Variants in CAMK1D observed in about 807,000 individuals in gnomAD.
The protein encoded by CAMK1D is calcium/calmodulin dependent protein kinase ID.
Under a neutral mutation model 47.7 loss-of-function variants are expected in CAMK1D, and 9 were observed. The observed-to-expected ratio is 0.19, with a 90% CI of 0.11 to 0.33. The LOEUF (loss-of-function observed/expected upper bound fraction) is 0.33. CAMK1D is among the 10% of genes least tolerant of loss of function. CAMK1D has a pLI of 1.00. For missense variants in CAMK1D, 291 were observed against 488.7 expected, an observed-to-expected ratio of 0.60 and a Z score of 3.81; for synonymous variants, 184 against 184.9, an observed-to-expected ratio of 0.99 and a Z score of 0.04.
intron 1 of CAMK1D, among the ~76,000 whole-genome samples, chr10:12,477,371 T>C (rs1192912670): frequency 6.6e-6 from 1 of 152,114 alleles, no homozygotes; most frequent in Non-Finnish European, 1.5e-5. Flanking sequence ...GCCAAGATCA[T>C]GCCATTGCAC....
intron 1 of CAMK1D, among the ~76,000 whole-genome samples, chr10:12,463,735 C>T (rs1156412585): frequency 1.3e-5 from 2 of 152,006 alleles, no homozygotes; most frequent in African/African-American, 4.8e-5. Flanking sequence ...TATTTCCCCA[C>T]CAGGTCTCAT....
rs1833100686 is a variant in CAMK1D, at chr10:12,694,154, TATATATTATGCATA to T, written c.299+27351_299+27364del. ...ATATTATATATAATATAATATATAATATATATTATGCATAATATATATTATATATAATATAATAT... is the reference window on the plus strand; with the variant it reads ...ATATTATATATAATATAATATATAATATATATATTATATATAATATAATAT... On this transcript the variant is annotated intron_variant, in intron 3 of 10. Coordinates refer to ENST00000619168, the MANE Select transcript of CAMK1D (RefSeq NM_153498.4). Among the ~76,000 whole-genome samples the T allele has an allele frequency of 3.5e-5, 2 of 57,098 alleles. 1 individual carries two copies. The highest frequency in any genetic ancestry group is 5.5e-5 in the Non-Finnish European group (2 of 36,050). The allele number at this position is 57,098 out of a possible 152,430, so 37.5% of individuals were successfully genotyped here.
chr10:12,720,461 A>T (rs1269338297), intron 3 of CAMK1D, among the ~76,000 whole-genome samples: 1 of 152,196 alleles, frequency 6.6e-6, no homozygotes, highest in Non-Finnish European at 1.5e-5. Flanking sequence ...CAGGTCTGTG[A>T]CCAGTTTCTT....
intron 1 of CAMK1D, among the ~76,000 whole-genome samples, chr10:12,523,500 C>T (rs1392373404): frequency 3.9e-5 from 6 of 152,046 alleles, no homozygotes; most frequent in South Asian, 2.1e-4. Context: ...CCCGGCACCT[C>T]GGGAGGCCGA....
rs1554796845 is a variant in CAMK1D, at chr10:12,611,609, T to TTTTTTTTTTTTG, written c.225-55127_225-55126insTTTTTTTTTTTG. On this transcript the variant is annotated intron_variant, in intron 2 of 10. Transcript: ENST00000619168. ...ATGCCTTTTTTTTTTTTTTTTTTTT[T>TTTTTTTTTTTTG]GAGACAGAGTCTTACTCTGTCTCCC... 2.6e-4 allele frequency among the ~76,000 whole-genome samples: 32 copies of TTTTTTTTTTTTG among 124,766 alleles called. 1 individual carries two copies. The highest frequency in any genetic ancestry group is 4.9e-4 in the East Asian group (2 of 4,092). The allele number at this position is 124,766 out of a possible 152,430, so 81.9% of individuals were successfully genotyped here. A position where few individuals can be genotyped will look rare whatever the true frequency, so the allele number is the denominator to read the frequency against.
At chr10:12,702,341 TA>T (rs1329914335) in intron 3 of CAMK1D, among the ~76,000 whole-genome samples, 1 of 152,160 alleles carries the variant, frequency 6.6e-6, no homozygotes, top group Non-Finnish European at 1.5e-5. Flanking sequence ...AAGCCCCTGT[TA>T]AATATGCCAC....
intron 3 of CAMK1D, among the ~76,000 whole-genome samples, chr10:12,750,057 A>G (rs145287894): frequency 0.011 from 1,628 of 152,336 alleles, 20 homozygotes; most frequent in African/African-American, 0.036. Context: ...ATTCTAAAAG[A>G]GCACATCAAT....
At chr10:12,478,102 T>C (rs1298587935) in intron 1 of CAMK1D, among the ~76,000 whole-genome samples, 2 of 146,924 alleles carry the variant, frequency 1.4e-5, no homozygotes, top group Non-Finnish European at 3.0e-5. Context: ...GCCTCCCGGG[T>C]TCATGCCATT....
intron 1 of CAMK1D, 54 bp downstream of exon 1, chr10:12,349,964 G>T: frequency 3.8e-6 from 4 of 1,063,254 alleles, no homozygotes; most frequent in Non-Finnish European, 5.2e-6. Flanking sequence ...GGGGCTGCAC[G>T]GGCAGCTCCA....
chr10:12,591,878 A>G (rs1564432361), intron 2 of CAMK1D, among the ~76,000 whole-genome samples: 1 of 152,086 alleles, frequency 6.6e-6, no homozygotes. Context: ...TATTTTTAGT[A>G]GAGACAGGGT....
chr10:12,827,765 T>G lies in CAMK1D; in HGVS notation c.1040-1004T>G, dbSNP rs560012704. The stretch of plus-strand genomic sequence containing the variant: ...GTGCAGTGGCACAGTCACGGCTCAC[T>G]GCAACCTCAACCTCCTAGGCTCAAG... On this transcript the variant is annotated intron_variant, in intron 10 of 10. Transcript: ENST00000619168. 3.3e-5 allele frequency among the ~76,000 whole-genome samples: 5 copies of G among 151,962 alleles called. No individual in the cohort carries two copies. The East Asian group carries it at 7.8e-4, about 24-fold the overall frequency.
intron 1 of CAMK1D, among the ~76,000 whole-genome samples, chr10:12,542,549 C>G (rs576847055): frequency 6.6e-6 from 1 of 152,180 alleles, no homozygotes; most frequent in African/African-American, 2.4e-5. Flanking sequence ...AAAAAGACAG[C>G]TCCCAAATCC....
chr10:12,473,119 G>A (rs74908893), intron 1 of CAMK1D, among the ~76,000 whole-genome samples: 2,692 of 152,256 alleles, frequency 0.018, 83 homozygotes, highest in African/African-American at 0.061. Flanking sequence ...GGTGCGCCAG[G>A]TGGAAGCAAT....
At chr10:12,514,423 A>G (rs2132170298) in intron 1 of CAMK1D, among the ~76,000 whole-genome samples, 1 of 152,338 alleles carries the variant, frequency 6.6e-6, no homozygotes, top group South Asian at 2.1e-4. Context: ...GAAAAGAATA[A>G]TGTCCCTTCA....
At chr10:12,625,727 T>C (rs994208899) in intron 2 of CAMK1D, among the ~76,000 whole-genome samples, 1 of 151,884 alleles carries the variant, frequency 6.6e-6, no homozygotes, top group Non-Finnish European at 1.5e-5. Flanking sequence ...CTTGCTTTTT[T>C]AATGTGTGTA....
chr10:12,579,578 C>T lies in CAMK1D; in HGVS notation c.224+26222C>T, dbSNP rs183560894. ...ATCTTTCATGATGTGTCTGTCTCTT[C>T]CCACTGGAGCAAACAAAAATAACTT... On this transcript the variant is annotated intron_variant, in intron 2 of 10. Coordinates refer to ENST00000619168, the MANE Select transcript of CAMK1D (RefSeq NM_153498.4). Among the ~76,000 whole-genome samples the T allele has an allele frequency of 1.3e-3, 200 of 152,266 alleles. 1 individual carries two copies. Among genetic ancestry groups the T allele is most frequent in the Admixed American group, 2.1e-3 (32 of 15,288 alleles).
intron 3 of CAMK1D, among the ~76,000 whole-genome samples, chr10:12,698,873 A>G (rs1329840871): frequency 1.3e-5 from 2 of 151,858 alleles, no homozygotes; most frequent in Non-Finnish European, 2.9e-5. Context: ...GGGTTTCACC[A>G]TGTTGGCCAG....
Position 12,624,991 on chromosome 10 carries a change from CTCT to C in CAMK1D, c.225-41743_225-41741del, listed in dbSNP as rs1432094589. Among the ~76,000 whole-genome samples the C allele has an allele frequency of 9.0e-5, 11 of 121,844 alleles. No individual in the cohort carries two copies. The East Asian group carries it at 2.7e-3, about 30-fold the overall frequency. The allele number at this position is 121,844 out of a possible 152,430, so 79.9% of individuals were successfully genotyped here. A position where few individuals can be genotyped will look rare whatever the true frequency, so the allele number is the denominator to read the frequency against. Reference sequence around the variant, plus strand: ...CTTCTCTTCCTCCTTCTCCTTCCTCCTCTTTCCTCCTCCTCCTCCTCCTCCTCC... The same window carrying C: ...CTTCTCTTCCTCCTTCTCCTTCCTCCTTCCTCCTCCTCCTCCTCCTCCTCC... On this transcript the variant is annotated intron_variant, in intron 2 of 10. Coordinates refer to ENST00000619168, the MANE Select transcript of CAMK1D (RefSeq NM_153498.4).
At chr10:12,617,177 G>A (rs1289256091) in intron 2 of CAMK1D, among the ~76,000 whole-genome samples, 1 of 152,188 alleles carries the variant, frequency 6.6e-6, no homozygotes, top group East Asian at 1.9e-4. Context: ...AAGCTTTGCA[G>A]TAAGATTACT....
Sources: allele counts gnomAD v4.1 joint callset (sites outside exome capture counted in the v4.1 genomes callset), GRCh38; gene constraint gnomAD v4.1.1; transcripts MANE v1.5; gene names NCBI Gene and HGNC (gene_info 2026-07-23, HGNC 2026-07-21).